Variants in SPTBN1 observed in about 807,000 individuals in gnomAD.
SPTBN1 encodes the protein spectrin beta, non-erythrocytic 1, also known as spectrin beta chain, non-erythrocytic 1.
SPTBN1 carries 32 observed loss-of-function variants against 266.4 expected under a neutral mutation model. The observed-to-expected ratio is 0.12, with a 90% CI of 0.09 to 0.16. The LOEUF (loss-of-function observed/expected upper bound fraction) is 0.16, where lower values mean the gene tolerates loss of function less well. Ranked by LOEUF, SPTBN1 falls within the 10% of genes least tolerant of loss-of-function variation. The pLI, the probability that SPTBN1 is intolerant of heterozygous loss-of-function variation, is 1.00. For missense variants in SPTBN1, 2,296 were observed against 3,067.1 expected, an observed-to-expected ratio of 0.75 and a Z score of 5.94; for synonymous variants, 1,336 against 1,162.2, an observed-to-expected ratio of 1.15 and a Z score of -3.04.
intron 18 of SPTBN1, among the ~76,000 whole-genome samples, chr2:54,640,791 A>C (rs1447991331): frequency 1.3e-5 from 2 of 152,158 alleles, no homozygotes; most frequent in East Asian, 1.9e-4. Flanking sequence ...GCCTCAAGTG[A>C]CCCACCCGCC....
At chr2:54,652,835 T>C (rs1389409378) in intron 26 of SPTBN1, 2 of 152,222 alleles carry the variant, frequency 1.3e-5, no homozygotes, top group Admixed American at 6.5e-5. Context: ...TTCTGAATGT[T>C]TTCTTCATGC....
intron 1 of SPTBN1, among the ~76,000 whole-genome samples, chr2:54,486,304 A>G (rs1337834743): frequency 6.6e-6 from 1 of 152,010 alleles, no homozygotes; most frequent in Non-Finnish European, 1.5e-5. Flanking sequence ...GAAAAGACTG[A>G]GAAATCGGAT....
At chr2:54,562,422 A>G (rs1345677981) in intron 2 of SPTBN1, among the ~76,000 whole-genome samples, 1 of 152,190 alleles carries the variant, frequency 6.6e-6, no homozygotes, top group Admixed American at 6.5e-5. Context: ...AGGCAGGCCT[A>G]CAGCTTTTTA....
At chr2:54,564,947 G>C (rs887930621) in intron 2 of SPTBN1, among the ~76,000 whole-genome samples, 5 of 152,306 alleles carry the variant, frequency 3.3e-5, no homozygotes, top group Non-Finnish European at 5.9e-5. Context: ...ATTTGCTAAA[G>C]AGCAAAATTA....
chr2:54,505,295 A>G (rs1398700840), intron 1 of SPTBN1, among the ~76,000 whole-genome samples: 1 of 152,206 alleles, frequency 6.6e-6, no homozygotes, highest in South Asian at 2.1e-4. Flanking sequence ...CACAGTACTC[A>G]GTTCTTTCTG....
intron 35 of SPTBN1, among the ~76,000 whole-genome samples, chr2:54,668,006 A>AAG (rs1409533403): frequency 6.6e-6 from 1 of 152,150 alleles, no homozygotes; most frequent in Non-Finnish European, 1.5e-5. Context: ...ACCTCAAGGA[A>AAG]AGAGAGAGTC....
At chr2:54,660,079 G>A (rs750393969) in intron 32 of SPTBN1, 80 bp downstream of exon 32, 3 of 1,614,122 alleles carry the variant, frequency 1.9e-6, no homozygotes, top group South Asian at 2.2e-5. Context: ...CCATGGTCTG[G>A]ACTGTGAAGT....
chr2:54,605,010 C>T (rs1171234935), intron 3 of SPTBN1, among the ~76,000 whole-genome samples: 3 of 152,086 alleles, frequency 2.0e-5, no homozygotes, highest in Non-Finnish European at 4.4e-5. Context: ...GCTGTGGGGA[C>T]GGAAGCATGC....
chr2:54,484,112 G>A (rs2103956211), intron 1 of SPTBN1, among the ~76,000 whole-genome samples: 1 of 152,306 alleles, frequency 6.6e-6, no homozygotes, highest in Non-Finnish European at 1.5e-5. Context: ...CTTGAGCTCA[G>A]GAGGCAGAGG....
chr2:54,631,682 TG>T, intron 16 of SPTBN1, 71 bp downstream of exon 16: 1 of 1,541,702 alleles, frequency 6.5e-7, no homozygotes, highest in Non-Finnish European at 8.7e-7. Flanking sequence ...ATGTTTTGGC[TG>T]GGGCAGCTGG....
intron 2 of SPTBN1, among the ~76,000 whole-genome samples, chr2:54,536,481 A>C (rs1671607524): frequency 6.6e-6 from 1 of 152,250 alleles, no homozygotes; most frequent in Admixed American, 6.5e-5. Context: ...TTTGATACCA[A>C]GTCAATTAAA....
chr2:54,648,065 C>T (rs1680034546), intron 24 of SPTBN1, among the ~76,000 whole-genome samples: 1 of 152,218 alleles, frequency 6.6e-6, no homozygotes, highest in South Asian at 2.1e-4. Flanking sequence ...GATTAGAACA[C>T]CTTCGAGGAA....
chr2:54,522,701 A>AAGAGAGAG (rs1196501016), intron 1 of SPTBN1, among the ~76,000 whole-genome samples: 1 of 70,144 alleles, frequency 1.4e-5, no homozygotes, highest in South Asian at 4.3e-4. Flanking sequence ...GAGAGAGAGA[A>AAGAGAGAG]AGAAAGAAAG....
At chr2:54,592,056 ACTCTGGAGGT>A (rs1244268556) in intron 2 of SPTBN1, among the ~76,000 whole-genome samples, 1 of 152,042 alleles carries the variant, frequency 6.6e-6, no homozygotes, top group Non-Finnish European at 1.5e-5. Flanking sequence ...AATCCTAGTT[ACTCTGGAGGT>A]TGAGGTGGGA....
Position 54,655,159 on chromosome 2 carries a change from T to A in SPTBN1, c.5912T>A (p.Ile1971Asn). 6.2e-7 allele frequency: 1 copy of A among 1,614,198 alleles called. No individual in the cohort carries two copies. The highest frequency in any genetic ancestry group is 8.5e-7 in the Non-Finnish European group (1 of 1,180,018). The part of the protein sequence containing the change: ...DARNDSFTTC[I>N]ELGKSLLARK... Reference sequence around the variant, plus strand: ...CGTAATGACAGTTTCACAACCTGCATTGAACTTGGGAAATCCCTGTTGGCG... The same window carrying A: ...CGTAATGACAGTTTCACAACCTGCAATGAACTTGGGAAATCCCTGTTGGCG... The change falls in exon 28 of 36, where the codon ATT (isoleucine) becomes AAT (asparagine). Residue 1971 changes from isoleucine to asparagine, a missense_variant. Coordinates refer to ENST00000356805, the MANE Select transcript of SPTBN1 (RefSeq NM_003128.3).
intron 2 of SPTBN1, among the ~76,000 whole-genome samples, chr2:54,588,764 C>A (rs532317973): frequency 1.3e-5 from 2 of 152,316 alleles, no homozygotes; most frequent in African/African-American, 4.8e-5. Flanking sequence ...ATATGACTTC[C>A]TGTATGTGAA....
chr2:54,485,185 C>G (rs546988416), intron 1 of SPTBN1, among the ~76,000 whole-genome samples: 1 of 151,820 alleles, frequency 6.6e-6, no homozygotes, highest in Non-Finnish European at 1.5e-5. Context: ...TCTCCCTCTC[C>G]GTCTCCCTCT....
chr2:54,622,040 T>C (rs1209146725), intron 8 of SPTBN1, among the ~76,000 whole-genome samples: 1 of 152,186 alleles, frequency 6.6e-6, no homozygotes, highest in African/African-American at 2.4e-5. Flanking sequence ...AGAATCTCTT[T>C]GCTTGGGGGT....
Position 54,659,235 on chromosome 2 carries a change from G to A in SPTBN1, c.6325G>A (p.Val2109Ile), listed in dbSNP as rs753225753. 1.2e-6 allele frequency: 2 copies of A among 1,614,088 alleles called. No individual in the cohort carries two copies. Among genetic ancestry groups the A allele is most frequent in the Non-Finnish European group, 1.7e-6 (2 of 1,179,994 alleles). Residue 2109 changes from valine (V) to isoleucine (I), a missense_variant, in exon 31 of 36, where the codon GTT (valine) becomes ATT (isoleucine). By Grantham distance (29) the Val-to-Ile change is conservative. Around this residue, in one of 12 missense-constraint regions of SPTBN1, gnomAD observed 347 missense variants for 368.5 expected, o/e 0.94. Transcript: ENST00000356805. ...GCCTTCTCCCGAGCCGAGCACGAAG[G>A]TTTCAGAGGAAGCCGAGTCCCAGCA... ...RPPSPEPSTK[V>I]SEEAESQQQW...
Sources: gnomAD v4.1 joint callset for allele counts (sites outside exome capture counted in the v4.1 genomes callset) on GRCh38, gnomAD v4.1.1 for gene constraint, gnomAD v4.1.1 regional missense constraint, MANE v1.5 for transcripts, NCBI Gene and HGNC (gene_info 2026-07-23, HGNC 2026-07-21) for gene names.